GRIA2: variants seen among roughly 807,000 people sequenced by gnomAD.
GRIA2 encodes glutamate ionotropic receptor AMPA type subunit 2.
In GRIA2, 14 loss-of-function variants were observed where a neutral mutation model predicts 97.3. That is an observed-to-expected ratio of 0.14 (90% CI 0.10 to 0.23). The LOEUF is 0.23. Ranked by LOEUF, GRIA2 falls within the 10% of genes least tolerant of loss-of-function variation. The pLI is 1.00. For synonymous variants in GRIA2, 412 were observed against 387.8 expected, an observed-to-expected ratio of 1.06 and a Z score of -0.73; for missense variants, 558 against 1,069.8, an observed-to-expected ratio of 0.52 and a Z score of 6.67.
intron 15 of GRIA2, 85 bp downstream of exon 15, chr4:157,363,132 G>T (rs1198731747): frequency 9.7e-6 from 13 of 1,342,474 alleles, no homozygotes; most frequent in Non-Finnish European, 1.3e-5. Context: ...TAAGGAAGGT[G>T]GCCAATGGAT....
rs1325428087 is a variant in GRIA2, at chr4:157,360,033, C to T, written c.2181C>T (p.Ser727=). The change falls in exon 13 of 16, where the codon TCC becomes TCT. Residue 727 remains serine, a synonymous_variant. Transcript: ENST00000264426. The stretch of plus-strand genomic sequence containing the variant: ...GGAAATATGCCTACTTGTTGGAGTC[C>T]ACGATGAACGAGTACATTGAGCAAA... The part of the protein sequence containing the change: ...SKGKYAYLLE[S]TMNEYIEQRK... 1 of 1,613,904 alleles carries T rather than the reference C, an allele frequency of 6.2e-7. No homozygotes were observed. Among genetic ancestry groups the T allele is most frequent in the Non-Finnish European group, 8.5e-7 (1 of 1,179,910 alleles).
intron 2 of GRIA2, among the ~76,000 whole-genome samples, chr4:157,248,615 G>GTATATATATACACCTGTA (rs1554006772): frequency 8.0e-6 from 1 of 124,546 alleles, no homozygotes; most frequent in Non-Finnish European, 1.7e-5. Flanking sequence ...ATATATACAT[G>GTATATATATACACCTGTA]TATATATACG....
At position 157,362,562 on chromosome 4, in the gene GRIA2, G is replaced by A. The variant is rs1456004545; in HGVS notation, c.2407-237G>A. On this transcript the variant is annotated intron_variant, in intron 14 of 15. Transcript: ENST00000264426. ...GAAATGTTTAAGAAATGAATAAATAGAAGTTTATTCCCTGCAGGTAGTCGA... is the reference window on the plus strand; with the variant it reads ...GAAATGTTTAAGAAATGAATAAATAAAAGTTTATTCCCTGCAGGTAGTCGA... The A allele has an allele frequency of 5.0e-6, 3 of 604,782 alleles. No individual in the cohort carries two copies. The African/African-American group carries it at 5.5e-5, about 11-fold the overall frequency. The allele number at this position is 604,782 out of a possible 1,614,324, so 37.5% of individuals were successfully genotyped here.
In GRIA2 at chr4:157,221,956, G is replaced by A. The variant is rs1183260940; in HGVS notation, c.229+149G>A. On this transcript the variant is annotated intron_variant, in intron 2 of 15. Coordinates refer to ENST00000264426, the MANE Select transcript of GRIA2 (RefSeq NM_001083619.3). ...ACTGCACACACGCGTGCGTGTGACC[G>A]TGTAGAGAGAAGGTGGCTGTAATCT... 8.8e-5 allele frequency: 62 copies of A among 707,734 alleles called. 1 individual carries two copies. The highest frequency in any genetic ancestry group is 8.3e-4 in the South Asian group (48 of 57,898). 43.8% of individuals were successfully genotyped at this position (707,734 alleles called of 1,614,324 possible). A position where few individuals can be genotyped will look rare whatever the true frequency, so the allele number is the denominator to read the frequency against.
At chr4:157,359,427 C>G (rs1736539702) in intron 12 of GRIA2, among the ~76,000 whole-genome samples, 1 of 152,124 alleles carries the variant, frequency 6.6e-6, no homozygotes, top group South Asian at 2.1e-4. Flanking sequence ...GTAATATTAT[C>G]TTTATTCCAC....
chr4:157,355,691 T>G (rs1736239516), intron 12 of GRIA2, among the ~76,000 whole-genome samples: 1 of 81,426 alleles, frequency 1.2e-5, no homozygotes, highest in African/African-American at 3.4e-5. Context: ...TTTATATATT[T>G]ATTTATATAT....
intron 11 of GRIA2, 83 bp downstream of exon 11, chr4:157,336,830 G>C (rs1735308356): frequency 7.7e-7 from 1 of 1,302,066 alleles, no homozygotes; most frequent in Non-Finnish European, 1.1e-6. Context: ...CCCTAAAGAA[G>C]TTACCAGCTG....
intron 4 of GRIA2, among the ~76,000 whole-genome samples, chr4:157,315,761 G>A (rs975196149): frequency 2.0e-5 from 3 of 151,896 alleles, no homozygotes; most frequent in Non-Finnish European, 4.4e-5. Flanking sequence ...GGATGGTCTC[G>A]AACTCCTGAC....
intron 2 of GRIA2, among the ~76,000 whole-genome samples, chr4:157,227,238 T>C (rs111532631): frequency 1.5e-4 from 23 of 152,274 alleles, no homozygotes; most frequent in African/African-American, 5.5e-4. Flanking sequence ...CATCAAGCCT[T>C]TAAAGTGCTA....
rs1201053592 is a variant in GRIA2, at chr4:157,327,735, TTAAA to T, written c.883-5080_883-5077del. Among the ~76,000 whole-genome samples, 6 of 152,204 alleles carry T rather than the reference TTAAA, an allele frequency of 3.9e-5. No homozygotes were observed. In the South Asian group the frequency reaches 1.2e-3, roughly 32 times the overall value. On this transcript the variant is annotated intron_variant, in intron 6 of 15. Coordinates refer to ENST00000264426, the MANE Select transcript of GRIA2 (RefSeq NM_001083619.3). ...CTGTGGCTGACATTTGTGTGGCACT[TTAAA>T]TAATGGCTTTCCCACAAGAATCTCA... is the stretch of plus-strand genomic sequence containing the variant.
At chr4:157,261,535 C>T (rs982491900) in intron 2 of GRIA2, among the ~76,000 whole-genome samples, 1 of 152,062 alleles carries the variant, frequency 6.6e-6, no homozygotes, top group Non-Finnish European at 1.5e-5. Flanking sequence ...AATTAAGTAA[C>T]TTGACTAAAC....
At chr4:157,333,431 A>C in intron 8 of GRIA2, 78 bp downstream of exon 8, 1 of 642,538 alleles carries the variant, frequency 1.6e-6, no homozygotes, top group South Asian at 2.3e-5. Context: ...CTTCCAGAGA[A>C]TTCTGGAGAT....
intron 2 of GRIA2, among the ~76,000 whole-genome samples, chr4:157,253,765 A>T (rs1032874230): frequency 2.0e-5 from 3 of 152,092 alleles, no homozygotes; most frequent in African/African-American, 7.2e-5. Flanking sequence ...ATACAATGAG[A>T]TAATTTCACT....
intron 10 of GRIA2, 96 bp from the exon 11 acceptor site, chr4:157,336,281 G>C: frequency 1.0e-6 from 1 of 1,004,816 alleles, no homozygotes; most frequent in South Asian, 1.7e-5. Flanking sequence ...TCATTTTTCT[G>C]ATTTCCTCTC....
intron 12 of GRIA2, among the ~76,000 whole-genome samples, chr4:157,354,159 T>C (rs1736144777): frequency 6.6e-6 from 1 of 152,112 alleles, no homozygotes; most frequent in Non-Finnish European, 1.5e-5. Context: ...TCGAGAGAAA[T>C]ATTTTTATTG....
chr4:157,348,418 T>C (rs545796278), intron 12 of GRIA2, among the ~76,000 whole-genome samples: 46 of 152,146 alleles, frequency 3.0e-4, no homozygotes, highest in African/African-American at 9.9e-4. Flanking sequence ...TCTAAATTTT[T>C]TGTAGAAACG....
intron 2 of GRIA2, among the ~76,000 whole-genome samples, chr4:157,289,372 A>C (rs997318848): frequency 6.6e-6 from 1 of 151,884 alleles, no homozygotes; most frequent in Non-Finnish European, 1.5e-5. Context: ...TGAAATTTAA[A>C]AAACATGTTA....
chr4:157,231,820 G>T (rs1218982043), intron 2 of GRIA2, among the ~76,000 whole-genome samples: 2 of 151,912 alleles, frequency 1.3e-5, no homozygotes, highest in African/African-American at 4.8e-5. Context: ...CTAAGTTGAA[G>T]ATATTTTTTA....
intron 4 of GRIA2, among the ~76,000 whole-genome samples, chr4:157,316,253 CTT>C (rs1560762605): frequency 6.6e-6 from 1 of 152,118 alleles, no homozygotes; most frequent in East Asian, 1.9e-4. Flanking sequence ...AGAAGGACAT[CTT>C]TTCTTCAGAA....
Sources: allele counts gnomAD v4.1 joint callset (sites outside exome capture counted in the v4.1 genomes callset), GRCh38; gene constraint gnomAD v4.1.1; transcripts MANE v1.5; gene names NCBI Gene and HGNC (gene_info 2026-07-23, HGNC 2026-07-21).